WDR70: variants seen among roughly 807,000 people sequenced by gnomAD.
WDR70 encodes WD repeat-containing protein 70.
WDR70 carries 53 observed loss-of-function variants against 88.6 expected under a neutral mutation model. The ratio of observed to expected loss-of-function variants is 0.60; its 90% CI spans 0.48 to 0.75. The LOEUF is 0.75. Ranked by LOEUF, WDR70 falls within the 30% of genes least tolerant of loss-of-function variation. WDR70 has a pLI of 0.00. For synonymous variants in WDR70, 280 were observed against 270.0 expected, an observed-to-expected ratio of 1.04 and a Z score of -0.36; for missense variants, 610 against 823.2, an observed-to-expected ratio of 0.74 and a Z score of 3.17.
At chr5:37,521,733 C>CAG (rs1741098381) in intron 9 of WDR70, among the ~76,000 whole-genome samples, 1 of 151,920 alleles carries the variant, frequency 6.6e-6, no homozygotes, top group Admixed American at 6.6e-5. Context: ...CACACACACA[C>CAG]ACACACACCC....
At chr5:37,745,931 G>C (rs1748625339) in intron 17 of WDR70, among the ~76,000 whole-genome samples, 1 of 152,108 alleles carries the variant, frequency 6.6e-6, no homozygotes, top group Admixed American at 6.5e-5. Context: ...GGACCTAGTA[G>C]ACGTCTACAG....
At chr5:37,689,410 C>A (rs937139958) in intron 10 of WDR70, among the ~76,000 whole-genome samples, 1 of 152,208 alleles carries the variant, frequency 6.6e-6, no homozygotes, top group Non-Finnish European at 1.5e-5. Context: ...CCTGTGTAGC[C>A]TAACTGGGAG....
chr5:37,417,782 A>G (rs1373671371), intron 5 of WDR70, among the ~76,000 whole-genome samples: 1 of 152,150 alleles, frequency 6.6e-6, no homozygotes, highest in East Asian at 1.9e-4. Context: ...CCTTGGCTCA[A>G]GTGATCCTCT....
chr5:37,566,668 C>A (rs1207107378), intron 9 of WDR70, among the ~76,000 whole-genome samples: 1 of 152,190 alleles, frequency 6.6e-6, no homozygotes, highest in Non-Finnish European at 1.5e-5. Flanking sequence ...AACAAACTCT[C>A]AAGATCCTTG....
intron 6 of WDR70, among the ~76,000 whole-genome samples, chr5:37,440,967 T>G (rs4242249): frequency 0.87 from 131,868 of 152,208 alleles, 60,206 homozygotes; most frequent in East Asian, 1. Context: ...TTTTGTGCCA[T>G]GTTCAGTGCT....
intron 7 of WDR70, among the ~76,000 whole-genome samples, chr5:37,479,141 G>A (rs74707037): frequency 0.01 from 1,584 of 152,220 alleles, 12 homozygotes; most frequent in Non-Finnish European, 0.016. Context: ...AATGAAAGAG[G>A]AGGAGGAAGA....
At chr5:37,587,894 C>T (rs1266470116) in intron 9 of WDR70, among the ~76,000 whole-genome samples, 1 of 151,508 alleles carries the variant, frequency 6.6e-6, no homozygotes, top group Non-Finnish European at 1.5e-5. Flanking sequence ...ATTCTCGTGC[C>T]TCAGTCTCCC....
chr5:37,444,731 A>G (rs1442903174), intron 7 of WDR70, among the ~76,000 whole-genome samples: 6 of 152,122 alleles, frequency 3.9e-5, no homozygotes, highest in African/African-American at 7.2e-5. Flanking sequence ...ACGGTCCCCA[A>G]TCTTTTTTGC....
At chr5:37,527,149 A>C (rs1406850216) in intron 9 of WDR70, among the ~76,000 whole-genome samples, 1 of 152,186 alleles carries the variant, frequency 6.6e-6, no homozygotes, top group East Asian at 1.9e-4. Context: ...GTTTATATGG[A>C]ACCAAAAAAG....
intron 10 of WDR70, among the ~76,000 whole-genome samples, chr5:37,613,246 A>G (rs900990268): frequency 6.6e-6 from 1 of 152,224 alleles, no homozygotes; most frequent in Non-Finnish European, 1.5e-5. Flanking sequence ...CAGTTAAAAC[A>G]TGGTAGGTTA....
At chr5:37,475,348 C>T (rs528526835) in intron 7 of WDR70, among the ~76,000 whole-genome samples, 2 of 152,292 alleles carry the variant, frequency 1.3e-5, no homozygotes, top group South Asian at 4.1e-4. Flanking sequence ...AATTCTCCTG[C>T]CTCAGCCTCC....
intron 7 of WDR70, among the ~76,000 whole-genome samples, chr5:37,457,943 T>G (rs1738896129): frequency 6.7e-6 from 1 of 150,262 alleles, no homozygotes; most frequent in Admixed American, 6.7e-5. Flanking sequence ...GCCCATTCAG[T>G]ATGATATTGG....
chr5:37,398,077 G>T (rs1357656725), intron 5 of WDR70, among the ~76,000 whole-genome samples: 1 of 145,172 alleles, frequency 6.9e-6, no homozygotes, highest in Non-Finnish European at 1.5e-5. Context: ...TTTGACACTT[G>T]GGGTAGATAA....
chr5:37,523,637 T>G (rs1330635936), intron 9 of WDR70, among the ~76,000 whole-genome samples: 1 of 152,198 alleles, frequency 6.6e-6, no homozygotes, highest in Non-Finnish European at 1.5e-5. Context: ...GGAGAATGAC[T>G]TAGACGAGTT....
At chr5:37,465,378 TC>T (rs138306713) in intron 7 of WDR70, among the ~76,000 whole-genome samples, 4,447 of 152,342 alleles carry the variant, frequency 0.029, 92 homozygotes, top group Middle Eastern at 0.092. Context: ...TTTTGAATTT[TC>T]TTGGCCATTG....
At chr5:37,385,402 C>T (rs1037264509) in intron 3 of WDR70, among the ~76,000 whole-genome samples, 8 of 151,612 alleles carry the variant, frequency 5.3e-5, no homozygotes, top group African/African-American at 1.9e-4. Flanking sequence ...CACCTGTAGT[C>T]CCAACTACTT....
intron 9 of WDR70, among the ~76,000 whole-genome samples, chr5:37,518,746 G>A (rs1740976493): frequency 6.6e-6 from 1 of 150,470 alleles, no homozygotes; most frequent in Admixed American, 6.6e-5. Flanking sequence ...GGGGGATGTG[G>A]CAGGGTCATA....
Position 37,479,828 on chromosome 5 carries a change from G to A in WDR70, c.687-6G>A, listed in dbSNP as rs376151585. ...TCTTACCAACTTTCCTTTTCTTTTC[G>A]TACAGCCATCAGATCAAGTCATTAC... On this transcript the variant is annotated splice_region_variant and splice_polypyrimidine_tract_variant and intron_variant, in intron 7 of 17. Transcript: ENST00000265107. 242 of 1,601,994 alleles carry A rather than the reference G, an allele frequency of 1.5e-4. 1 individual carries two copies. The highest frequency in any genetic ancestry group is 1.9e-4 in the Non-Finnish European group (219 of 1,175,550).
intron 9 of WDR70, among the ~76,000 whole-genome samples, chr5:37,594,129 C>G (rs1458860794): frequency 6.6e-6 from 1 of 152,136 alleles, no homozygotes; most frequent in African/African-American, 2.4e-5. Flanking sequence ...GTTTCTTTTG[C>G]CGTATGGAAG....
Sources: gnomAD v4.1 joint callset for allele counts (sites outside exome capture counted in the v4.1 genomes callset) on GRCh38, gnomAD v4.1.1 for gene constraint, MANE v1.5 for transcripts, NCBI Gene and HGNC (gene_info 2026-07-23, HGNC 2026-07-21) for gene names.